The following UBR2 variants were observed in gnomAD, a reference collection of about 807,000 sequenced individuals.
The protein encoded by UBR2 is ubiquitin protein ligase E3 component n-recognin 2, also known as E3 ubiquitin-protein ligase UBR2.
In UBR2, 92 loss-of-function variants were observed where a neutral mutation model predicts 247.9. The observed-to-expected ratio is 0.37, with a 90% confidence interval of 0.31 to 0.44. The LOEUF is 0.44. Ranked by LOEUF, UBR2 falls within the 20% of genes least tolerant of loss-of-function variation. UBR2 has a pLI of 1.00. For synonymous variants in UBR2, 672 were observed against 693.5 expected, an observed-to-expected ratio of 0.97 and a Z score of 0.49; for missense variants, 1,613 against 2,112.6, an observed-to-expected ratio of 0.76 and a Z score of 4.64.
intron 25 of UBR2, among the ~76,000 whole-genome samples, chr6:42,655,108 G>T (rs1797360197): frequency 6.6e-6 from 1 of 152,152 alleles, no homozygotes; most frequent in African/African-American, 2.4e-5. Flanking sequence ...CTTCCTCATT[G>T]AAGTAGAAAA....
intron 13 of UBR2, among the ~76,000 whole-genome samples, 178 bp from the exon 14 acceptor site, chr6:42,635,240 T>C (rs1051573683): frequency 2.0e-5 from 3 of 152,210 alleles, no homozygotes; most frequent in African/African-American, 2.4e-5. Context: ...GAGAATGTTA[T>C]ATAAACACAT....
intron 2 of UBR2, among the ~76,000 whole-genome samples, chr6:42,585,178 A>G (rs928773539): frequency 2.6e-5 from 4 of 152,190 alleles, no homozygotes; most frequent in African/African-American, 7.2e-5. Flanking sequence ...CATGTTGTCA[A>G]GTACCTTTAC....
At chr6:42,566,387 T>C (rs774173624) in intron 1 of UBR2, among the ~76,000 whole-genome samples, 6 of 152,234 alleles carry the variant, frequency 3.9e-5, no homozygotes, top group Non-Finnish European at 8.8e-5. Context: ...CCCTGTTTAC[T>C]TTTTTTGTTT....
At position 42,656,947 on chromosome 6, in the gene UBR2, G is replaced by A. The variant is rs1797470132; in HGVS notation, c.2873-1077G>A. On this transcript the variant is annotated intron_variant, in intron 26 of 46. Coordinates refer to ENST00000372901, the MANE Select transcript of UBR2 (RefSeq NM_001363705.2). The stretch of plus-strand genomic sequence containing the variant: ...TTCACTCATCACTATAAAATATTAG[G>A]TTCTTGGCCAGGCATGGTGGCTCAC... 2.0e-5 allele frequency among the ~76,000 whole-genome samples: 3 copies of A among 151,812 alleles called. No individual in the cohort carries two copies. The South Asian group carries it at 6.2e-4, about 32-fold the overall frequency.
intron 16 of UBR2, among the ~76,000 whole-genome samples, 158 bp downstream of exon 16, chr6:42,640,428 G>T: frequency 1.1e-5 from 1 of 89,808 alleles, no homozygotes; most frequent in Non-Finnish European, 2.4e-5. Flanking sequence ...GTGTGTGTGT[G>T]TGTGTGTATA....
intron 36 of UBR2, 26 bp downstream of exon 36, chr6:42,670,741 T>C: frequency 1.3e-6 from 2 of 1,586,492 alleles, no homozygotes; most frequent in Non-Finnish European, 1.7e-6. Context: ...ATTCAGTTCA[T>C]GATAGTGGGG....
At chr6:42,571,961 T>C (rs1264091432) in intron 1 of UBR2, among the ~76,000 whole-genome samples, 1 of 152,110 alleles carries the variant, frequency 6.6e-6, no homozygotes, top group Non-Finnish European at 1.5e-5. Context: ...TGTATGTATA[T>C]ATAAAATTTT....
intron 11 of UBR2, among the ~76,000 whole-genome samples, chr6:42,617,834 CGTTAG>C (rs1235011262): frequency 6.6e-6 from 1 of 152,158 alleles, no homozygotes; most frequent in Non-Finnish European, 1.5e-5. Flanking sequence ...TTATCCTTCA[CGTTAG>C]AATTAGACAG....
chr6:42,593,153 G>A (rs1189318936), intron 3 of UBR2, among the ~76,000 whole-genome samples: 1 of 152,028 alleles, frequency 6.6e-6, no homozygotes, highest in Non-Finnish European at 1.5e-5. Context: ...CAGCCTGGGC[G>A]ACAGAGCGAG....
chr6:42,565,862 G>T (rs985406459), intron 1 of UBR2, among the ~76,000 whole-genome samples: 1 of 151,828 alleles, frequency 6.6e-6, no homozygotes, highest in African/African-American at 2.4e-5. Context: ...GCCCTGCCTT[G>T]GTGTGTTTTT....
At chr6:42,630,203 T>A (rs1313465845) in intron 11 of UBR2, among the ~76,000 whole-genome samples, 1 of 151,114 alleles carries the variant, frequency 6.6e-6, no homozygotes, top group African/African-American at 2.4e-5. Flanking sequence ...TTTTTTTTAA[T>A]TGAGAGAGTC....
rs145765824 is a variant in UBR2, at chr6:42,637,025, C to A, written c.1689C>A (p.Ile563=). The change falls in exon 15 of 47, where the codon ATC becomes ATA. Residue 563 remains isoleucine, a synonymous_variant. Transcript: ENST00000372901. The stretch of plus-strand genomic sequence containing the variant: ...CTCTTTTTTAGGAAAAAGTGTTAAT[C>A]GAAGCTTACAAGAAATGTCTCGCTG... ...DWCASDEKVL[I]EAYKKCLAVL... 5.0e-6 allele frequency: 8 copies of A among 1,604,156 alleles called. No homozygotes were observed. Among genetic ancestry groups the A allele is most frequent in the South Asian group, 2.3e-5 (2 of 88,408 alleles).
chr6:42,687,009 G>A (rs921985252), intron 44 of UBR2, among the ~76,000 whole-genome samples: 1 of 151,494 alleles, frequency 6.6e-6, no homozygotes, highest in African/African-American at 2.4e-5. Flanking sequence ...ACGGGATGAC[G>A]GCCAGGAAGA....
At chr6:42,619,453 A>ATATATATATATATATATTTTTTTTTTTT in intron 11 of UBR2, 1 of 23,716 alleles carries the variant, frequency 4.2e-5, no homozygotes, top group Non-Finnish European at 8.4e-5. Context: ...ATATATATAT[A>ATATATATATATATATATTTTTTTTTTTT]TTTTTTTTTT....
At chr6:42,663,895 A>G (rs1011149839) in intron 32 of UBR2, among the ~76,000 whole-genome samples, 1 of 152,206 alleles carries the variant, frequency 6.6e-6, no homozygotes, top group African/African-American at 2.4e-5. Flanking sequence ...GTTGTGGCTC[A>G]CATCTATAAT....
intron 11 of UBR2, among the ~76,000 whole-genome samples, chr6:42,629,222 G>A (rs1321339026): frequency 6.6e-6 from 1 of 152,008 alleles, no homozygotes; most frequent in African/African-American, 2.4e-5. Flanking sequence ...TCGCCATGTT[G>A]GCCAGACAGG....
At chr6:42,587,043 C>T (rs1451651111) in intron 2 of UBR2, among the ~76,000 whole-genome samples, 1 of 152,016 alleles carries the variant, frequency 6.6e-6, no homozygotes, top group African/African-American at 2.4e-5. Flanking sequence ...TGGTCTTGAA[C>T]TCCTGACCTC....
intron 7 of UBR2, among the ~76,000 whole-genome samples, chr6:42,607,090 A>G (rs1462228228): frequency 6.6e-6 from 1 of 152,052 alleles, no homozygotes; most frequent in Non-Finnish European, 1.5e-5. Flanking sequence ...CCACATTTGG[A>G]TTTATTTTTA....
chr6:42,649,990 G>A (rs1797018744), intron 22 of UBR2, among the ~76,000 whole-genome samples: 1 of 152,196 alleles, frequency 6.6e-6, no homozygotes, highest in African/African-American at 2.4e-5. Flanking sequence ...TCAGTTGTTT[G>A]GAGATGTTGT....
Sources: gnomAD v4.1 joint callset for allele counts (sites outside exome capture counted in the v4.1 genomes callset) on GRCh38, gnomAD v4.1.1 for gene constraint, MANE v1.5 for transcripts, NCBI Gene and HGNC (gene_info 2026-07-23, HGNC 2026-07-21) for gene names.